SLCO1C1: variants seen among roughly 807,000 people sequenced by gnomAD.
The protein encoded by SLCO1C1 is OAT-RP-5.
Under a neutral mutation model 76.4 loss-of-function variants are expected in SLCO1C1, and 70 were observed. The ratio of observed to expected loss-of-function variants is 0.92; its 90% CI spans 0.76 to 1.12. SLCO1C1 has a LOEUF of 1.12. Among genes scored for constraint, SLCO1C1 ranks in the 50% most tolerant of loss-of-function variants. The probability of loss-of-function intolerance (pLI) is 0.00; values close to 1 mark genes in which losing one functional copy is unlikely to be tolerated. For missense variants in SLCO1C1, 912 were observed against 823.8 expected, an observed-to-expected ratio of 1.11 and a Z score of -1.31; for synonymous variants, 306 against 286.1, an observed-to-expected ratio of 1.07 and a Z score of -0.70.
chr12:20,740,053 A>G (rs899929223), intron 11 of SLCO1C1, 131 bp from the exon 12 acceptor site: 1 of 915,362 alleles, frequency 1.1e-6, no homozygotes, highest in Non-Finnish European at 1.6e-6. Context: ...ATACTGTAAT[A>G]CAAAAAAATA....
intron 3 of SLCO1C1, among the ~76,000 whole-genome samples, chr12:20,705,274 T>C (rs2089549521): frequency 6.6e-6 from 1 of 152,000 alleles, no homozygotes; most frequent in Non-Finnish European, 1.5e-5. Flanking sequence ...AAGAGATAAA[T>C]GGGCACATTT....
At chr12:20,700,250 G>A (rs1251436448) in intron 2 of SLCO1C1, 1 of 151,504 alleles carries the variant, frequency 6.6e-6, no homozygotes, top group Non-Finnish European at 1.5e-5. Flanking sequence ...TTTATTTTTT[G>A]TTATAGCCAA....
At chr12:20,725,119 CAT>C (rs1205658872) in intron 9 of SLCO1C1, among the ~76,000 whole-genome samples, 4 of 133,368 alleles carry the variant, frequency 3.0e-5, no homozygotes, top group Non-Finnish European at 6.2e-5. Flanking sequence ...ATATAACTAT[CAT>C]ATATAATATA....
At chr12:20,699,309 C>G (rs1441265589) in intron 1 of SLCO1C1, among the ~76,000 whole-genome samples, 1 of 151,884 alleles carries the variant, frequency 6.6e-6, no homozygotes, top group Non-Finnish European at 1.5e-5. Flanking sequence ...TTATTCTTTG[C>G]CATAATGAGG....
At chr12:20,745,086 C>G (rs1948981521) in intron 13 of SLCO1C1, among the ~76,000 whole-genome samples, 1 of 151,802 alleles carries the variant, frequency 6.6e-6, no homozygotes, top group South Asian at 2.1e-4. Context: ...GCATTTTGCT[C>G]TTTTTTAAAA....
chr12:20,728,435 G>A (rs1948126166), intron 9 of SLCO1C1, among the ~76,000 whole-genome samples: 1 of 151,598 alleles, frequency 6.6e-6, no homozygotes. Flanking sequence ...AGTCATTTTT[G>A]CATAATTTCT....
intron 12 of SLCO1C1, among the ~76,000 whole-genome samples, chr12:20,742,682 C>A (rs1432383200): frequency 1.3e-5 from 2 of 148,848 alleles, no homozygotes; most frequent in Non-Finnish European, 3.0e-5. Flanking sequence ...TACAGGCACC[C>A]GCCACCATGC....
At position 20,726,681 on chromosome 12, in the gene SLCO1C1, TTTTA is replaced by T. The variant is rs564355453; in HGVS notation, c.1186+3434_1186+3437del. Among the ~76,000 whole-genome samples, 504 of 152,216 alleles carry T rather than the reference TTTTA, an allele frequency of 3.3e-3. 1 individual carries two copies. Among genetic ancestry groups the T allele is most frequent in the African/African-American group, 0.011 (475 of 41,554 alleles). ...CTAGATTTTCATTTTTTCTTTTGTC[TTTTA>T]TTTATTATTTATTTATATTTTTCAA... is the stretch of plus-strand genomic sequence containing the variant. On this transcript the variant is annotated intron_variant, in intron 9 of 14. Coordinates refer to ENST00000266509, the MANE Select transcript of SLCO1C1 (RefSeq NM_017435.5).
At chr12:20,736,197 GA>G (rs974116554) in intron 10 of SLCO1C1, among the ~76,000 whole-genome samples, 1 of 149,436 alleles carries the variant, frequency 6.7e-6, no homozygotes, top group Non-Finnish European at 1.5e-5. Context: ...TCAGGTGACA[GA>G]AAAAAAAGTG....
At chr12:20,701,607 C>A (rs1340077578) in intron 3 of SLCO1C1, 148 bp downstream of exon 3, 21 of 685,876 alleles carry the variant, frequency 3.1e-5, no homozygotes, top group Non-Finnish European at 3.9e-5. Context: ...TTACCATGAT[C>A]TTATTCTACA....
intron 9 of SLCO1C1, among the ~76,000 whole-genome samples, chr12:20,725,088 AAAT>A (rs200546911): frequency 0.21 from 28,679 of 136,436 alleles, 3,268 homozygotes; most frequent in Non-Finnish European, 0.25. Context: ...AAATTATATA[AAAT>A]AATATATACA....
chr12:20,729,944 T>C (rs768506099), intron 9 of SLCO1C1, among the ~76,000 whole-genome samples: 48 of 151,986 alleles, frequency 3.2e-4, no homozygotes, highest in Non-Finnish European at 6.9e-4. Flanking sequence ...TTTAACAATT[T>C]ATACTGAGGG....
chr12:20,747,342 T>C lies in SLCO1C1; in HGVS notation c.1799-3333T>C, dbSNP rs117090051. Among the ~76,000 whole-genome samples, 616 of 152,120 alleles carry C rather than the reference T, an allele frequency of 4.0e-3. 10 individuals carry two copies. In the East Asian group the frequency reaches 0.055, roughly 14 times the overall value. On this transcript the variant is annotated intron_variant, in intron 13 of 14. Coordinates refer to ENST00000266509, the MANE Select transcript of SLCO1C1 (RefSeq NM_017435.5). ...ACTCGGGGAGTCTGAGTCACAAGAA[T>C]TGCTTGAACCCAGGAGGCAGAGGTT...
Position 20,729,114 on chromosome 12 carries a change from A to G in SLCO1C1, c.1187-3795A>G, listed in dbSNP as rs143735297. Among the ~76,000 whole-genome samples the G allele has an allele frequency of 1.5e-4, 23 of 152,318 alleles. 3 individuals are homozygous for G. The highest frequency in any genetic ancestry group is 5.5e-4 in the African/African-American group (23 of 41,590). On this transcript the variant is annotated intron_variant, in intron 9 of 14. Transcript: ENST00000266509. ...GAGAATAAATCAAAGTTTAATTTCT[A>G]TCTCACTGAATGATTTAAAAATACC... is the stretch of plus-strand genomic sequence containing the variant.
chr12:20,719,828 A>C (rs1171890510), intron 7 of SLCO1C1, among the ~76,000 whole-genome samples: 2 of 152,214 alleles, frequency 1.3e-5, no homozygotes, highest in African/African-American at 4.8e-5. Flanking sequence ...GAGAAGCTGC[A>C]GAAAGTTATC....
intron 9 of SLCO1C1, among the ~76,000 whole-genome samples, chr12:20,723,942 T>TA (rs147920891): frequency 0.013 from 1,967 of 152,202 alleles, 39 homozygotes; most frequent in African/African-American, 0.045. Flanking sequence ...TCTAGTATTG[T>TA]AAAAATCAGT....
chr12:20,723,259 G>A lies in SLCO1C1; in HGVS notation c.1186+5G>A. The A allele has an allele frequency of 6.2e-7, 1 of 1,612,908 alleles. No individual in the cohort carries two copies. Among genetic ancestry groups the A allele is most frequent in the Non-Finnish European group, 8.5e-7 (1 of 1,179,628 alleles). On this transcript the variant is annotated splice_donor_5th_base_variant and intron_variant, in intron 9 of 14. Transcript: ENST00000266509. ...CCAGGGCCAACTTTGTGATCGGTATGCTCATCTGCCTTTCATGCTTTCTCA... is the reference window on the plus strand; with the variant it reads ...CCAGGGCCAACTTTGTGATCGGTATACTCATCTGCCTTTCATGCTTTCTCA...
intron 9 of SLCO1C1, among the ~76,000 whole-genome samples, chr12:20,727,813 GT>G (rs1318403493): frequency 2.6e-5 from 4 of 152,174 alleles, no homozygotes; most frequent in African/African-American, 9.6e-5. Context: ...CCGGCCACGT[GT>G]TTTCTTTTGT....
At chr12:20,723,069 T>C (rs1947758997) in intron 8 of SLCO1C1, 21 bp from the exon 9 acceptor site, 2 of 1,598,632 alleles carry the variant, frequency 1.3e-6, no homozygotes, top group Non-Finnish European at 1.7e-6. Flanking sequence ...TTAATTAGTC[T>C]ATGTTATTTT....
Sources: gnomAD v4.1 joint callset for allele counts (sites outside exome capture counted in the v4.1 genomes callset) on GRCh38, gnomAD v4.1.1 for gene constraint, MANE v1.5 for transcripts, NCBI Gene and HGNC (gene_info 2026-07-23, HGNC 2026-07-21) for gene names.